CTNNA2: variants seen among roughly 807,000 people sequenced by gnomAD.
The protein encoded by CTNNA2 is catenin alpha 2.
In CTNNA2, 42 loss-of-function variants were observed where a neutral mutation model predicts 101.0. That is an observed-to-expected ratio of 0.42 (90% confidence interval 0.32 to 0.54). CTNNA2 has a LOEUF of 0.54. Ranked by LOEUF, CTNNA2 falls within the 20% of genes least tolerant of loss-of-function variation. The pLI, the probability that CTNNA2 is intolerant of heterozygous loss-of-function variation, is 0.14. For missense variants in CTNNA2, 871 were observed against 1,223.1 expected (o/e 0.71, Z 4.29); for synonymous variants, 450 against 456.4 (o/e 0.99, Z 0.18).
rs869061321 is a variant in CTNNA2, at chr2:80,020,993, C to CTTTTTT, written c.1056+111217_1056+111222dup. 6.7e-5 allele frequency among the ~76,000 whole-genome samples: 6 copies of CTTTTTT among 89,352 alleles called. 1 individual carries two copies. The highest frequency in any genetic ancestry group is 3.4e-4 in the East Asian group (1 of 2,958). The allele number at this position is 89,352 out of a possible 152,430, so 58.6% of individuals were successfully genotyped here. The stretch of plus-strand genomic sequence containing the variant: ...TGAAATTTTTGGAATGACCAATCAT[C>CTTTTTT]TTTTTTTTTTTTTTTTTTTTTTTTT... On this transcript the variant is annotated intron_variant, in intron 7 of 18. Transcript: ENST00000402739.
intron 4 of CTNNA2, among the ~76,000 whole-genome samples, chr2:79,387,194 G>A (rs1465036505): frequency 1.3e-5 from 2 of 152,194 alleles, no homozygotes; most frequent in African/African-American, 2.4e-5. Context: ...GGTCCTATAT[G>A]ATAAGTCCAG....
At chr2:80,510,580 A>T (rs1420976065) in intron 9 of CTNNA2, among the ~76,000 whole-genome samples, 1 of 152,174 alleles carries the variant, frequency 6.6e-6, no homozygotes, top group Non-Finnish European at 1.5e-5. Flanking sequence ...CTCTCAAGAG[A>T]ATGTATTGGC....
rs370927778 is a variant in CTNNA2, at chr2:79,529,051, A to G, written c.-6+15844A>G. 9.6e-4 allele frequency among the ~76,000 whole-genome samples: 146 copies of G among 152,334 alleles called. 1 individual carries two copies. Among genetic ancestry groups the G allele is most frequent in the Middle Eastern group, 3.4e-3 (1 of 294 alleles). ...AGGTCAAGAAGATTCACATTTCAACAGGAACTTGAAGAACATGTAAAACTT... is the reference window on the plus strand; with the variant it reads ...AGGTCAAGAAGATTCACATTTCAACGGGAACTTGAAGAACATGTAAAACTT... On this transcript the variant is annotated intron_variant, in intron 1 of 18. Transcript: ENST00000402739.
chr2:79,486,223 C>T (rs374662428), intron 4 of CTNNA2, among the ~76,000 whole-genome samples: 5 of 143,758 alleles, frequency 3.5e-5, no homozygotes, highest in Middle Eastern at 3.5e-3. Flanking sequence ...ATCCCTCCCC[C>T]CTTCCCCCAC....
At chr2:80,094,903 G>C (rs1700046635) in intron 7 of CTNNA2, among the ~76,000 whole-genome samples, 1 of 152,126 alleles carries the variant, frequency 6.6e-6, no homozygotes, top group Non-Finnish European at 1.5e-5. Context: ...GGAGATTTTG[G>C]GTGAGACAAT....
intron 4 of CTNNA2, among the ~76,000 whole-genome samples, chr2:79,493,085 A>C (rs1159909629): frequency 2.0e-5 from 3 of 152,260 alleles, no homozygotes; most frequent in Non-Finnish European, 2.9e-5. Flanking sequence ...ATAGACAAAA[A>C]CTCCAGGGTT....
chr2:80,303,856 A>G lies in CTNNA2; in HGVS notation c.1057-89355A>G. 1 of 1,482,652 alleles carries G rather than the reference A, an allele frequency of 6.7e-7. No homozygotes were observed. Among genetic ancestry groups the G allele is most frequent in the Non-Finnish European group, 9.0e-7 (1 of 1,115,472 alleles). 91.8% of individuals were successfully genotyped at this position (1,482,652 alleles called of 1,614,324 possible). On this transcript the variant is annotated intron_variant, in intron 7 of 18. Transcript: ENST00000402739. This position sits in a 1 kb window ranked among gnomAD's most constrained non-coding sequence, Gnocchi z 7.7. The stretch of plus-strand genomic sequence containing the variant: ...TTTCCAGAGAGACTGGAGAATGTCC[A>G]TTGGAAGCGCTCGGTCAGAAATCTA...
At chr2:80,115,559 T>C (rs186574384) in intron 7 of CTNNA2, among the ~76,000 whole-genome samples, 125 of 152,212 alleles carry the variant, frequency 8.2e-4, no homozygotes, top group Middle Eastern at 3.4e-3. Context: ...TAAAAGCAAG[T>C]TGACAATCTT....
chr2:80,352,286 T>G lies in CTNNA2; in HGVS notation c.1057-40925T>G, dbSNP rs186855909. On this transcript the variant is annotated intron_variant, in intron 7 of 18. Transcript: ENST00000402739. Reference sequence around the variant, plus strand: ...AATAAAAAAAAGTGCTTCTAGTGAATTAATGTCTTGAACCTACATAGAGAG... The same window carrying G: ...AATAAAAAAAAGTGCTTCTAGTGAAGTAATGTCTTGAACCTACATAGAGAG... Among the ~76,000 whole-genome samples the G allele has an allele frequency of 4.0e-3, 605 of 152,300 alleles. 2 individuals are homozygous for G. Among genetic ancestry groups the G allele is most frequent in the African/African-American group, 0.013 (554 of 41,566 alleles).
chr2:80,164,051 A>C (rs979306613), intron 7 of CTNNA2, among the ~76,000 whole-genome samples: 11 of 151,452 alleles, frequency 7.3e-5, no homozygotes, highest in African/African-American at 2.7e-4. Context: ...TTATATTTGA[A>C]GTGATTTTCT....
intron 7 of CTNNA2, among the ~76,000 whole-genome samples, chr2:80,247,532 A>T (rs570057450): frequency 6.6e-6 from 1 of 152,348 alleles, no homozygotes; most frequent in Non-Finnish European, 1.5e-5. Context: ...CCAGACCGGT[A>T]GCTTATCTCC....
intron 1 of CTNNA2, among the ~76,000 whole-genome samples, chr2:79,626,609 GTGTGTGTGTA>G (rs1215007563): frequency 1.5e-5 from 2 of 131,828 alleles, no homozygotes; most frequent in African/African-American, 6.2e-5. Context: ...GTATGTGCGT[GTGTGTGTGTA>G]TGTGTGTGTG....
chr2:80,143,210 C>T (rs549035478), intron 7 of CTNNA2, among the ~76,000 whole-genome samples: 15 of 152,278 alleles, frequency 9.9e-5, no homozygotes, highest in African/African-American at 3.6e-4. Flanking sequence ...CAGCCTTCCT[C>T]AGAACTTTAC....
chr2:80,294,111 C>T (rs750726086), intron 7 of CTNNA2, among the ~76,000 whole-genome samples: 2 of 152,060 alleles, frequency 1.3e-5, no homozygotes, highest in Admixed American at 6.6e-5. Context: ...AAGGTGGTAG[C>T]GGGAGAAGGA....
chr2:79,428,609 CAAAAA>C (rs923165538), intron 4 of CTNNA2, among the ~76,000 whole-genome samples: 8 of 151,250 alleles, frequency 5.3e-5, no homozygotes, highest in African/African-American at 1.5e-4. Context: ...AACAAAATAA[CAAAAA>C]AAAGAAACAG....
chr2:80,356,112 G>A (rs2149307117), intron 7 of CTNNA2, among the ~76,000 whole-genome samples: 1 of 152,160 alleles, frequency 6.6e-6, no homozygotes, highest in South Asian at 2.1e-4. Context: ...CTGCAAAGCA[G>A]CCTGCAGAGC....
At chr2:79,951,164 C>G (rs998055638) in intron 7 of CTNNA2, among the ~76,000 whole-genome samples, 24 of 152,114 alleles carry the variant, frequency 1.6e-4, no homozygotes, top group African/African-American at 5.8e-4. Context: ...ATTTCACAAA[C>G]AATGTAAAGT....
intron 3 of CTNNA2, among the ~76,000 whole-genome samples, chr2:79,826,975 T>A (rs1361903809): frequency 1.3e-5 from 2 of 152,202 alleles, no homozygotes; most frequent in African/African-American, 4.8e-5. Flanking sequence ...TAAATCCACA[T>A]GGCATTTTTC....
intron 7 of CTNNA2, among the ~76,000 whole-genome samples, chr2:80,243,871 G>A (rs2149094964): frequency 6.6e-6 from 1 of 152,276 alleles, no homozygotes; most frequent in African/African-American, 2.4e-5. Context: ...CTTTTCCAAA[G>A]AGGCTGTACC....
Sources: gnomAD v4.1 joint callset for allele counts (sites outside exome capture counted in the v4.1 genomes callset) on GRCh38, gnomAD v4.1.1 for gene constraint, Gnocchi (gnomAD v3.1) non-coding constraint, MANE v1.5 for transcripts, NCBI Gene and HGNC (gene_info 2026-07-23, HGNC 2026-07-21) for gene names.